TAFA1: variants seen among roughly 807,000 people sequenced by gnomAD.
TAFA1 encodes the protein chemokine-like protein TAFA-1.
TAFA1 carries 4 observed loss-of-function variants against 18.5 expected under a neutral mutation model. The ratio of observed to expected loss-of-function variants is 0.22; its 90% CI spans 0.11 to 0.49. The LOEUF (loss-of-function observed/expected upper bound fraction) is 0.49. Among genes scored for constraint, TAFA1 ranks in the 20% least tolerant of loss-of-function variants. The pLI, the probability that TAFA1 is intolerant of heterozygous loss-of-function variation, is 0.98. For synonymous variants in TAFA1, 56 were observed against 55.2 expected (o/e 1.01, Z -0.06); for missense variants, 147 against 169.0 (o/e 0.87, Z 0.72).
chr3:68,203,203 C>T (rs1200795364), intron 2 of TAFA1, among the ~76,000 whole-genome samples: 1 of 151,534 alleles, frequency 6.6e-6, no homozygotes, highest in Non-Finnish European at 1.5e-5. Flanking sequence ...GGTGTCTTTT[C>T]CTTCTAACTT....
intron 2 of TAFA1, among the ~76,000 whole-genome samples, chr3:68,160,850 C>T (rs1270196264): frequency 1.3e-5 from 2 of 152,198 alleles, no homozygotes; most frequent in African/African-American, 2.4e-5. Context: ...GTCTGGCTAA[C>T]CGCAGAGCCC....
chr3:68,056,114 C>A (rs2064533743), intron 2 of TAFA1, among the ~76,000 whole-genome samples: 1 of 152,170 alleles, frequency 6.6e-6, no homozygotes, highest in African/African-American at 2.4e-5. Flanking sequence ...GCTAGTGCAT[C>A]CTCTTCCAGC....
At chr3:68,298,220 T>C (rs947159868) in intron 2 of TAFA1, among the ~76,000 whole-genome samples, 10 of 152,308 alleles carry the variant, frequency 6.6e-5, no homozygotes, top group Middle Eastern at 6.8e-3. Context: ...TGGACACTAC[T>C]TCTAGTGGAG....
rs115759617 is a variant in TAFA1, at chr3:68,280,257, C to T, written c.119-137023C>T. Among the ~76,000 whole-genome samples, 1,094 of 152,258 alleles carry T rather than the reference C, an allele frequency of 7.2e-3. 8 individuals are homozygous for T. The highest frequency in any genetic ancestry group is 0.024 in the African/African-American group (1,001 of 41,556). ...TTATAACACTGATACTGGACTGAGACTATAATTGTCCATCACTCTTTTCAA... is the reference window on the plus strand; with the variant it reads ...TTATAACACTGATACTGGACTGAGATTATAATTGTCCATCACTCTTTTCAA... On this transcript the variant is annotated intron_variant, in intron 2 of 4. Transcript: ENST00000478136.
chr3:68,261,586 TA>T (rs66601439), intron 2 of TAFA1, among the ~76,000 whole-genome samples: 13,007 of 152,030 alleles, frequency 0.086, 677 homozygotes, highest in Middle Eastern at 0.12. Flanking sequence ...TATGCAGCCA[TA>T]AAAAAATGAT....
chr3:68,524,243 G>A (rs535471175), intron 3 of TAFA1, among the ~76,000 whole-genome samples: 1 of 152,180 alleles, frequency 6.6e-6, no homozygotes, highest in South Asian at 2.1e-4. Flanking sequence ...TGACTTTTCA[G>A]CATGGTCACG....
intron 2 of TAFA1, among the ~76,000 whole-genome samples, chr3:68,325,812 A>G (rs1362127252): frequency 1.3e-5 from 2 of 152,166 alleles, no homozygotes; most frequent in African/African-American, 4.8e-5. Context: ...TAAGAATCCC[A>G]GAGGCTCTTC....
chr3:68,442,611 G>A (rs568198801), intron 3 of TAFA1, among the ~76,000 whole-genome samples: 1 of 152,056 alleles, frequency 6.6e-6, no homozygotes, highest in African/African-American at 2.4e-5. Flanking sequence ...AGTGAATGAA[G>A]GAAAAAAGAA....
intron 2 of TAFA1, among the ~76,000 whole-genome samples, chr3:68,211,592 T>C (rs544740921): frequency 1.3e-5 from 2 of 152,158 alleles, no homozygotes; most frequent in South Asian, 4.1e-4. Flanking sequence ...TGTGTTGCTA[T>C]AAAGGAATAC....
chr3:68,322,670 C>T (rs576950235), intron 2 of TAFA1, among the ~76,000 whole-genome samples: 5 of 152,116 alleles, frequency 3.3e-5, no homozygotes, highest in African/African-American at 9.6e-5. Flanking sequence ...AGTCAGGGGC[C>T]GGGCGCTCAT....
rs924859453 is a variant in TAFA1 at position 68,439,424 on chromosome 3, T to C, written c.259+22004T>C. ...ATATATATACATACATATATATATA[T>C]ATATATATATATATATATATGAGTT... On this transcript the variant is annotated intron_variant, in intron 3 of 4. Coordinates refer to ENST00000478136, the MANE Select transcript of TAFA1 (RefSeq NM_213609.4). 3.9e-5 allele frequency among the ~76,000 whole-genome samples: 5 copies of C among 129,320 alleles called. 1 individual carries two copies. In the East Asian group the frequency reaches 1.0e-3, roughly 26 times the overall value. 84.8% of individuals were successfully genotyped at this position (129,320 alleles called of 152,430 possible).
At chr3:68,340,016 A>G (rs1282948183) in intron 2 of TAFA1, among the ~76,000 whole-genome samples, 1 of 152,154 alleles carries the variant, frequency 6.6e-6, no homozygotes, top group Non-Finnish European at 1.5e-5. Flanking sequence ...TTTTCTTCTA[A>G]TTATTTTTTC....
At chr3:68,289,063 T>C (rs913284204) in intron 2 of TAFA1, among the ~76,000 whole-genome samples, 4 of 152,186 alleles carry the variant, frequency 2.6e-5, no homozygotes, top group Admixed American at 6.5e-5. Context: ...TACAGCTCAA[T>C]GAATTTTCAC....
chr3:68,338,047 G>A (rs2069005761), intron 2 of TAFA1, among the ~76,000 whole-genome samples: 1 of 152,230 alleles, frequency 6.6e-6, no homozygotes, highest in South Asian at 2.1e-4. Flanking sequence ...TTCGTTTAAA[G>A]ATGTGGGTAT....
intron 2 of TAFA1, among the ~76,000 whole-genome samples, chr3:68,273,940 C>G (rs1036004557): frequency 1.3e-5 from 2 of 152,144 alleles, no homozygotes. Context: ...CTAAAAATCT[C>G]TAAGCCAGAC....
At chr3:68,215,464 A>G (rs907401077) in intron 2 of TAFA1, among the ~76,000 whole-genome samples, 1 of 152,090 alleles carries the variant, frequency 6.6e-6, no homozygotes, top group Non-Finnish European at 1.5e-5. Context: ...GTCTTTAGAT[A>G]CAACACCTAA....
intron 2 of TAFA1, among the ~76,000 whole-genome samples, chr3:68,021,751 C>T (rs1453326019): frequency 6.6e-6 from 1 of 152,138 alleles, no homozygotes; most frequent in Admixed American, 6.6e-5. Flanking sequence ...TGATTTAAGA[C>T]TCCAGGGAAT....
intron 3 of TAFA1, among the ~76,000 whole-genome samples, chr3:68,511,147 C>T (rs1000877672): frequency 1.3e-5 from 2 of 152,114 alleles, no homozygotes; most frequent in Non-Finnish European, 2.9e-5. Context: ...CTTTTGCAAT[C>T]GTACTTTATT....
At chr3:68,487,382 T>G (rs998414128) in intron 3 of TAFA1, among the ~76,000 whole-genome samples, 4 of 152,196 alleles carry the variant, frequency 2.6e-5, no homozygotes, top group African/African-American at 4.8e-5. Context: ...GTTAATTATG[T>G]TTTATGATTC....
Sources: gnomAD v4.1 joint callset for allele counts (sites outside exome capture counted in the v4.1 genomes callset) on GRCh38, gnomAD v4.1.1 for gene constraint, MANE v1.5 for transcripts, NCBI Gene and HGNC (gene_info 2026-07-23, HGNC 2026-07-21) for gene names.